CDH18: variants seen among roughly 807,000 people sequenced by gnomAD.
The protein encoded by CDH18 is cadherin 18.
In CDH18, 31 loss-of-function variants were observed where a neutral mutation model predicts 67.9. The observed-to-expected ratio is 0.46, with a 90% CI of 0.34 to 0.62. The LOEUF (loss-of-function observed/expected upper bound fraction) is 0.62, where lower values mean the gene tolerates loss of function less well. Among genes scored for constraint, CDH18 ranks in the 20% least tolerant of loss-of-function variants. The pLI is 0.01. For synonymous variants in CDH18, 362 were observed against 347.2 expected, an observed-to-expected ratio of 1.04 and a Z score of -0.48; for missense variants, 890 against 975.5, an observed-to-expected ratio of 0.91 and a Z score of 1.17.
intron 1 of CDH18, among the ~76,000 whole-genome samples, chr5:20,463,347 A>T (rs537568277): frequency 5.9e-5 from 9 of 152,222 alleles, no homozygotes; most frequent in African/African-American, 1.9e-4. Context: ...GTATCTTGTC[A>T]GTATGTTCAA....
chr5:19,765,524 C>T (rs949357892), intron 3 of CDH18, among the ~76,000 whole-genome samples: 4 of 151,916 alleles, frequency 2.6e-5, no homozygotes, highest in Non-Finnish European at 4.4e-5. Context: ...ACTGATCTAA[C>T]GTCACAGAAC....
chr5:20,337,343 G>T (rs1014061065), intron 1 of CDH18, among the ~76,000 whole-genome samples: 9 of 152,120 alleles, frequency 5.9e-5, no homozygotes, highest in African/African-American at 2.2e-4. Context: ...TTTATGCTCT[G>T]CTTTCATTAT....
At chr5:20,433,512 TGAG>T (rs1448881180) in intron 1 of CDH18, among the ~76,000 whole-genome samples, 13 of 151,996 alleles carry the variant, frequency 8.6e-5, no homozygotes, top group African/African-American at 3.1e-4. Flanking sequence ...CTCGATGGTC[TGAG>T]GAGAAGAGGA....
intron 5 of CDH18, among the ~76,000 whole-genome samples, chr5:19,618,677 G>C (rs772050372): frequency 1.3e-5 from 2 of 151,980 alleles, no homozygotes; most frequent in Non-Finnish European, 2.9e-5. Flanking sequence ...TCACATCTTC[G>C]ACCTACTGAA....
intron 1 of CDH18, among the ~76,000 whole-genome samples, chr5:20,292,717 ATTAC>A (rs1747194281): frequency 6.6e-6 from 1 of 151,782 alleles, no homozygotes; most frequent in Admixed American, 6.6e-5. Context: ...AATTCTTGAG[ATTAC>A]TTGTCTTATA....
chr5:20,046,214 T>C (rs1372668442), intron 2 of CDH18, among the ~76,000 whole-genome samples: 2 of 152,008 alleles, frequency 1.3e-5, no homozygotes, highest in African/African-American at 4.8e-5. Context: ...TGGAATTTGT[T>C]GACAGATTAA....
At chr5:20,311,298 A>G (rs186665562) in intron 1 of CDH18, among the ~76,000 whole-genome samples, 25 of 152,264 alleles carry the variant, frequency 1.6e-4, no homozygotes, top group African/African-American at 5.8e-4. Context: ...ATTACTGGGT[A>G]TATACCCAAA....
chr5:20,500,147 T>C (rs1754168292), intron 1 of CDH18, among the ~76,000 whole-genome samples: 1 of 152,136 alleles, frequency 6.6e-6, no homozygotes, highest in Admixed American at 6.6e-5. Context: ...ATGCCAAAAA[T>C]AAACATTTTA....
At chr5:20,303,883 A>T (rs1393451627) in intron 1 of CDH18, among the ~76,000 whole-genome samples, 1 of 152,192 alleles carries the variant, frequency 6.6e-6, no homozygotes, top group African/African-American at 2.4e-5. Context: ...GTTTCTTGAC[A>T]CTTAACATTT....
intron 1 of CDH18, among the ~76,000 whole-genome samples, chr5:20,379,828 G>T (rs1743770845): frequency 2.0e-5 from 3 of 151,798 alleles, no homozygotes; most frequent in Non-Finnish European, 2.9e-5. Flanking sequence ...GACTCTTGAA[G>T]AATCAGTATG....
chr5:19,785,504 A>C (rs1020765899), intron 3 of CDH18, among the ~76,000 whole-genome samples: 22 of 150,294 alleles, frequency 1.5e-4, no homozygotes, highest in African/African-American at 5.1e-4. Context: ...AATACAAAAA[A>C]TTAGCCAGGC....
At chr5:19,911,256 T>C (rs1791111933) in intron 2 of CDH18, among the ~76,000 whole-genome samples, 1 of 152,158 alleles carries the variant, frequency 6.6e-6, no homozygotes. Flanking sequence ...CTGATTCTCA[T>C]TCTTATTACA....
At chr5:19,476,220 T>C (rs1381720081) in intron 12 of CDH18, among the ~76,000 whole-genome samples, 2 of 151,882 alleles carry the variant, frequency 1.3e-5, no homozygotes, top group Non-Finnish European at 2.9e-5. Context: ...TGAAAAGATA[T>C]TAGCATTGGG....
chr5:20,424,132 G>A (rs1748089559), intron 1 of CDH18, among the ~76,000 whole-genome samples: 1 of 150,328 alleles, frequency 6.7e-6, no homozygotes, highest in East Asian at 1.9e-4. Flanking sequence ...CTAATAATAA[G>A]AGTTCTACTA....
At chr5:20,034,298 G>A (rs1391267835) in intron 2 of CDH18, among the ~76,000 whole-genome samples, 1 of 151,954 alleles carries the variant, frequency 6.6e-6, no homozygotes, top group Non-Finnish European at 1.5e-5. Flanking sequence ...CCACTGTGAT[G>A]CTTTTTCACA....
rs757184101 is a variant in CDH18 at position 20,471,833 on chromosome 5, T to TTAAAAAAAAAA, written c.-580+103628_-580+103629insTTTTTTTTTTA. Among the ~76,000 whole-genome samples, 26 of 51,482 alleles carry TTAAAAAAAAAA rather than the reference T, an allele frequency of 5.1e-4. 1 individual carries two copies. Among genetic ancestry groups the TTAAAAAAAAAA allele is most frequent in the African/African-American group, 1.5e-3 (24 of 15,486 alleles). The allele number at this position is 51,482 out of a possible 152,430, so 33.8% of individuals were successfully genotyped here. Reference sequence around the variant, plus strand: ...CTGGGCAACAGATCGAGATTCAGTCTAAAAAAAAAAAAAAAAAAGCAAAAG... The same window carrying TTAAAAAAAAAA: ...CTGGGCAACAGATCGAGATTCAGTCTTAAAAAAAAAAAAAAAAAAAAAAAAAAAAGCAAAAG... On this transcript the variant is annotated intron_variant, in intron 1 of 14. Transcript: ENST00000507958.
At chr5:19,524,027 C>G (rs916815624) in intron 9 of CDH18, among the ~76,000 whole-genome samples, 1 of 151,852 alleles carries the variant, frequency 6.6e-6, no homozygotes, top group Non-Finnish European at 1.5e-5. Flanking sequence ...TAGAAAACAA[C>G]ACGTAAAAGT....
chr5:20,172,238 A>G lies in CDH18; in HGVS notation c.-518+83206T>C, dbSNP rs556203928. Among the ~76,000 whole-genome samples the G allele has an allele frequency of 2.3e-4, 27 of 118,928 alleles. 1 individual carries two copies. In the South Asian group the frequency reaches 3.3e-3, roughly 14 times the overall value. 78.0% of individuals were successfully genotyped at this position (118,928 alleles called of 152,430 possible). A position where few individuals can be genotyped will look rare whatever the true frequency, so the allele number is the denominator to read the frequency against. ...TATATATATATGTATATATATATAT[A>G]TGTATATATATATATATATCTCCTC... is the stretch of plus-strand genomic sequence containing the variant. On this transcript the variant is annotated intron_variant, in intron 2 of 14. Transcript: ENST00000507958.
chr5:20,209,571 T>G (rs1204830557), intron 2 of CDH18, among the ~76,000 whole-genome samples: 1 of 150,392 alleles, frequency 6.6e-6, no homozygotes, highest in Non-Finnish European at 1.5e-5. Context: ...AGTTGTTAGG[T>G]TAACATGGTT....
Sources: gnomAD v4.1 joint callset for allele counts (sites outside exome capture counted in the v4.1 genomes callset) on GRCh38, gnomAD v4.1.1 for gene constraint, MANE v1.5 for transcripts, NCBI Gene and HGNC (gene_info 2026-07-23, HGNC 2026-07-21) for gene names.